The following CSMD2 variants were observed in gnomAD, a reference collection of about 807,000 sequenced individuals.
CSMD2 encodes CUB and Sushi multiple domains 2, also known as CUB and sushi domain-containing protein 2.
CSMD2 carries 130 observed loss-of-function variants against 398.5 expected under a neutral mutation model. The observed-to-expected ratio is 0.33, with a 90% CI of 0.28 to 0.38. The LOEUF is 0.38. Among genes scored for constraint, CSMD2 ranks in the 10% least tolerant of loss-of-function variants. The pLI is 1.00. For synonymous variants in CSMD2, 1,828 were observed against 1,908.5 expected (o/e 0.96, Z 1.10); for missense variants, 3,829 against 4,764.9 (o/e 0.80, Z 5.78).
Position 33,825,748 on chromosome 1 carries a change from G to C in CSMD2, c.1060C>G (p.Arg354Gly), listed in dbSNP as rs1340274712. ...QVKKQIELKSRGVKLMPSKDN... is the reference protein window; with the variant it reads ...QVKKQIELKSGGVKLMPSKDN... Reference sequence around the variant, plus strand: ...TTGCTGGGCATCAGCTTCACACCTCGAGACTTCAACTCAATTTGCTTCTTG... The same window carrying C: ...TTGCTGGGCATCAGCTTCACACCTCCAGACTTCAACTCAATTTGCTTCTTG... Residue 354 changes from arginine to glycine, a missense_variant, in exon 7 of 71, where the codon CGA (arginine) becomes GGA (glycine). Physicochemically the swap from Arg to Gly is moderately radical, Grantham distance 125 (BLOSUM62 -2). Around this residue, in one of 5 missense-constraint regions of CSMD2, gnomAD observed 2,001 missense variants for 2,567.1 expected, o/e 0.78. Coordinates refer to ENST00000373381, the MANE Select transcript of CSMD2 (RefSeq NM_001281956.2). The C allele has an allele frequency of 6.2e-7, 1 of 1,614,014 alleles. No individual in the cohort carries two copies. Among genetic ancestry groups the C allele is most frequent in the Admixed American group, 1.7e-5 (1 of 60,002 alleles).
At chr1:33,836,786 G>A (rs1557979213) in intron 6 of CSMD2, among the ~76,000 whole-genome samples, 2 of 152,152 alleles carry the variant, frequency 1.3e-5, no homozygotes, top group Admixed American at 6.5e-5. Context: ...CTAGGAAAGC[G>A]AATTCCCCAA....
intron 2 of CSMD2, among the ~76,000 whole-genome samples, chr1:34,040,354 T>TA (rs1305300623): frequency 6.6e-6 from 1 of 152,156 alleles, no homozygotes; most frequent in African/African-American, 2.4e-5. Context: ...TACAGACAAT[T>TA]AAAAAACCAT....
intron 24 of CSMD2, among the ~76,000 whole-genome samples, chr1:33,695,068 C>T (rs1365143648): frequency 6.6e-6 from 1 of 152,110 alleles, no homozygotes; most frequent in Non-Finnish European, 1.5e-5. Context: ...CTTAAATGAA[C>T]CTTGAAGGAG....
chr1:34,049,887 G>T (rs1168213717), intron 2 of CSMD2, among the ~76,000 whole-genome samples: 4 of 152,186 alleles, frequency 2.6e-5, no homozygotes, highest in African/African-American at 9.7e-5. Flanking sequence ...AGGATTAGAT[G>T]AGGTCATAAG....
At chr1:34,085,707 T>TTACTGCTG (rs1464812638) in intron 2 of CSMD2, among the ~76,000 whole-genome samples, 19 of 152,128 alleles carry the variant, frequency 1.2e-4, no homozygotes, top group African/African-American at 4.1e-4. Context: ...ATACTTATTT[T>TTACTGCTG]TACTGCTGCT....
At chr1:33,935,668 G>C in intron 4 of CSMD2, 92 bp downstream of exon 4, 1 of 1,337,512 alleles carries the variant, frequency 7.5e-7, no homozygotes, top group South Asian at 1.5e-5. Flanking sequence ...CTGGGGTGTA[G>C]CTTTGCCCTT....
At chr1:33,985,557 G>A (rs1646330754) in intron 3 of CSMD2, among the ~76,000 whole-genome samples, 2 of 152,332 alleles carry the variant, frequency 1.3e-5, no homozygotes, top group East Asian at 1.9e-4. Context: ...GAGTCGAAAC[G>A]TACCCGAGTG....
intron 3 of CSMD2, among the ~76,000 whole-genome samples, chr1:33,992,743 G>T (rs1270485994): frequency 1.3e-5 from 2 of 151,656 alleles, no homozygotes; most frequent in African/African-American, 4.8e-5. Context: ...CGGGCGTGGT[G>T]GTGGGCGCCT....
At chr1:33,746,406 G>C (rs1027711786) in intron 13 of CSMD2, among the ~76,000 whole-genome samples, 2 of 152,212 alleles carry the variant, frequency 1.3e-5, no homozygotes, top group Non-Finnish European at 2.9e-5. Context: ...GGCACTGTGA[G>C]TATGTGAGCA....
chr1:34,109,668 T>C (rs1660852093), intron 1 of CSMD2, among the ~76,000 whole-genome samples: 1 of 152,128 alleles, frequency 6.6e-6, no homozygotes, highest in East Asian at 1.9e-4. Flanking sequence ...TGTAAGGAAC[T>C]TAAACAAATT....
At chr1:33,622,146 G>A in intron 37 of CSMD2, 21 bp downstream of exon 37, 1 of 1,581,312 alleles carries the variant, frequency 6.3e-7, no homozygotes, top group Non-Finnish European at 8.7e-7. Context: ...CCCTGTACCA[G>A]CCAAGACCCT....
Position 33,625,245 on chromosome 1 carries a change from C to T in CSMD2, c.5306G>A (p.Arg1769Gln), listed in dbSNP as rs1642040501. ...AGAGCTGCACTGCGTGGCGCTGGTT[C>T]GAGGAACCGCTGTGGGGGACAAGGG... ...GFHFVYQAVP[R>Q]TSATQCSSVP... The change falls in exon 34 of 71, where the codon CGA (arginine) becomes CAA (glutamine). Residue 1769 changes from arginine to glutamine, a missense_variant. By Grantham distance (43) the Arg-to-Gln change is conservative. Coordinates refer to ENST00000373381, the MANE Select transcript of CSMD2 (RefSeq NM_001281956.2). 4 of 1,611,092 alleles carry T rather than the reference C, an allele frequency of 2.5e-6. No homozygotes were observed. Among genetic ancestry groups the T allele is most frequent in the Middle Eastern group, 1.7e-4 (1 of 6,056 alleles).
chr1:33,644,127 G>A (rs1446536414), intron 29 of CSMD2, among the ~76,000 whole-genome samples: 1 of 152,098 alleles, frequency 6.6e-6, no homozygotes, highest in Non-Finnish European at 1.5e-5. Context: ...GATGGCAGCT[G>A]GGGAGGTCTT....
At chr1:33,968,471 C>T (rs1032687613) in intron 3 of CSMD2, among the ~76,000 whole-genome samples, 3 of 152,216 alleles carry the variant, frequency 2.0e-5, no homozygotes, top group Admixed American at 2.0e-4. Context: ...GATTATGCTA[C>T]ATTGTGTAAG....
At chr1:33,620,806 C>CTTTTTT (rs34986869) in intron 37 of CSMD2, among the ~76,000 whole-genome samples, 1 of 91,924 alleles carries the variant, frequency 1.1e-5, no homozygotes, top group Admixed American at 1.2e-4. Context: ...TGTCCTGGGT[C>CTTTTTT]TTTTTTTTTT....
intron 10 of CSMD2, among the ~76,000 whole-genome samples, chr1:33,803,371 C>G (rs1418267203): frequency 1.3e-5 from 2 of 152,210 alleles, no homozygotes; most frequent in African/African-American, 4.8e-5. Flanking sequence ...GAGTTTCCAT[C>G]CAGTATATCC....
At chr1:33,976,496 G>T (rs147021494) in intron 3 of CSMD2, among the ~76,000 whole-genome samples, 2 of 152,212 alleles carry the variant, frequency 1.3e-5, no homozygotes, top group African/African-American at 4.8e-5. Context: ...TGCCTTCCTG[G>T]AGCACCATCT....
chr1:34,121,963 C>T (rs1406831640), intron 1 of CSMD2, among the ~76,000 whole-genome samples: 1 of 151,442 alleles, frequency 6.6e-6, no homozygotes, highest in Non-Finnish European at 1.5e-5. Context: ...GGTTAGTTAA[C>T]ACTCTCAGGC....
intron 13 of CSMD2, among the ~76,000 whole-genome samples, chr1:33,768,270 AT>A (rs931755515): frequency 1.3e-4 from 20 of 151,996 alleles, no homozygotes; most frequent in African/African-American, 4.6e-4. Context: ...TTAATCTGTG[AT>A]TTTTTTCCCC....
Sources: gnomAD v4.1 joint callset for allele counts (sites outside exome capture counted in the v4.1 genomes callset) on GRCh38, gnomAD v4.1.1 for gene constraint, gnomAD v4.1.1 regional missense constraint, MANE v1.5 for transcripts, NCBI Gene and HGNC (gene_info 2026-07-23, HGNC 2026-07-21) for gene names.